The following GRHL1 variants were observed in gnomAD, a reference collection of about 807,000 sequenced individuals.
GRHL1 encodes the protein grainyhead like transcription factor 1.
A neutral mutation model predicts 75.7 loss-of-function variants in GRHL1; 38 were observed. The observed-to-expected ratio is 0.50, with a 90% CI of 0.39 to 0.66. GRHL1 has a LOEUF of 0.66. Ranked by LOEUF, GRHL1 falls within the 30% of genes least tolerant of loss-of-function variation. The pLI, the probability that GRHL1 is intolerant of heterozygous loss-of-function variation, is 0.00. For synonymous variants in GRHL1, 266 were observed against 279.4 expected, an observed-to-expected ratio of 0.95 and a Z score of 0.48; for missense variants, 589 against 767.5, an observed-to-expected ratio of 0.77 and a Z score of 2.75.
At chr2:9,980,164 G>GT (rs35509780) in intron 8 of GRHL1, among the ~76,000 whole-genome samples, 41,602 of 146,970 alleles carry the variant, frequency 0.28, 5,931 homozygotes, top group Admixed American at 0.37. Context: ...TTGGTGGTTT[G>GT]TTTTTTTTTT....
Position 9,963,960 on chromosome 2 carries a change from T to C in GRHL1, c.821T>C (p.Leu274Pro). The change falls in exon 6 of 16, where the codon CTG becomes CCG. Residue 274 changes from leucine to proline, a missense_variant. By Grantham distance (98) the Leu-to-Pro change is moderately conservative. Transcript: ENST00000324907. ...CCAGGAGACAGTACCATGACGTACC[T>C]GAACAAAGGCCAGTTCTATCCCATC... Reference protein sequence around the residue: ...QKPGDSTMTYLNKGQFYPITL... With the variant: ...QKPGDSTMTYPNKGQFYPITL... 1 of 1,613,368 alleles carries C rather than the reference T, an allele frequency of 6.2e-7. No homozygotes were observed.
Position 10,001,761 on chromosome 2 carries a change from T to C in GRHL1, c.*1054T>C, listed in dbSNP as rs193001687. The C allele has an allele frequency of 8.5e-5, 13 of 152,346 alleles. No homozygotes were observed. The highest frequency in any genetic ancestry group is 3.1e-4 in the African/African-American group (13 of 41,572). The allele number at this position is 152,346 out of a possible 1,614,324, so 9.4% of individuals were successfully genotyped here. On this transcript the variant is annotated 3_prime_UTR_variant, in exon 16 of 16. Transcript: ENST00000324907. ...TAGTATCAGTCAGATGCACTTAGAG[T>C]GAAGAAACACTGTAATTACAGCACA...
intron 8 of GRHL1, among the ~76,000 whole-genome samples, chr2:9,972,621 C>T (rs940867752): frequency 4.6e-5 from 7 of 152,200 alleles, no homozygotes; most frequent in African/African-American, 1.7e-4. Context: ...GGAAGGCAGC[C>T]TGCCCGCCAG....
At chr2:9,998,483 T>C (rs1191549445) in intron 14 of GRHL1, among the ~76,000 whole-genome samples, 30 of 4,624 alleles carry the variant, frequency 6.5e-3, no homozygotes, top group East Asian at 0.022. Context: ...TATATATACA[T>C]ATATATACGT....
At chr2:9,953,132 C>T in intron 1 of GRHL1, 1 of 455,626 alleles carries the variant, frequency 2.2e-6, no homozygotes, top group Non-Finnish European at 4.4e-6. Context: ...TGGCCTTAGG[C>T]AGGCTTTGGA....
At chr2:9,957,478 C>A (rs1332016597) in intron 2 of GRHL1, among the ~76,000 whole-genome samples, 1 of 151,718 alleles carries the variant, frequency 6.6e-6, no homozygotes, top group South Asian at 2.1e-4. Context: ...GGCGCAGTCT[C>A]AACTTACTGC....
intron 9 of GRHL1, among the ~76,000 whole-genome samples, chr2:9,986,487 G>A (rs931537069): frequency 2.0e-5 from 3 of 151,200 alleles, no homozygotes; most frequent in Non-Finnish European, 3.0e-5. Context: ...GTGCAATCTC[G>A]GCTCACTGCA....
intron 6 of GRHL1, 44 bp from the exon 7 acceptor site, chr2:9,964,191 T>G (rs748815010): frequency 7.3e-7 from 1 of 1,362,238 alleles, no homozygotes; most frequent in Non-Finnish European, 1.0e-6. Context: ...CAAAACATAC[T>G]CACCCTTTAG....
intron 9 of GRHL1, among the ~76,000 whole-genome samples, chr2:9,988,334 C>T (rs1367162224): frequency 6.6e-6 from 1 of 152,216 alleles, no homozygotes; most frequent in African/African-American, 2.4e-5. Context: ...CAAGTTTTCT[C>T]ACATTACTTC....
intron 2 of GRHL1, among the ~76,000 whole-genome samples, chr2:9,956,827 C>G (rs909293982): frequency 6.6e-6 from 1 of 152,102 alleles, no homozygotes; most frequent in Non-Finnish European, 1.5e-5. Context: ...GGGAGAAACT[C>G]GTTGGTACAA....
chr2:9,954,398 G>A (rs1421903932), intron 1 of GRHL1, among the ~76,000 whole-genome samples: 1 of 152,138 alleles, frequency 6.6e-6, no homozygotes, highest in African/African-American at 2.4e-5. Flanking sequence ...ATTGCGTGAA[G>A]GATCCCTTTT....
intron 8 of GRHL1, among the ~76,000 whole-genome samples, chr2:9,985,827 C>T (rs1013648908): frequency 6.6e-6 from 1 of 152,192 alleles, no homozygotes; most frequent in Non-Finnish European, 1.5e-5. Context: ...GGAAAGCTAA[C>T]CAGCCTCTTC....
chr2:9,995,815 A>G (rs2125246125), intron 12 of GRHL1, 64 bp from the exon 13 acceptor site: 1 of 889,196 alleles, frequency 1.1e-6, no homozygotes, highest in East Asian at 2.4e-5. Flanking sequence ...AGGCTCTAAA[A>G]CACCTTAATG....
Position 9,998,863 on chromosome 2 carries a change from C to CAT in GRHL1, c.1678-102_1678-101insAT, listed in dbSNP as rs1491430215. The CAT allele has an allele frequency of 9.1e-5, 11 of 120,740 alleles. 2 individuals carry two copies. Among genetic ancestry groups the CAT allele is most frequent in the East Asian group, 7.2e-4 (4 of 5,582 alleles). 7.5% of individuals were successfully genotyped at this position (120,740 alleles called of 1,614,324 possible). A position where few individuals can be genotyped will look rare whatever the true frequency, so the allele number is the denominator to read the frequency against. On this transcript the variant is annotated intron_variant, in intron 14 of 15. Coordinates refer to ENST00000324907, the MANE Select transcript of GRHL1 (RefSeq NM_198182.3). Reference sequence around the variant, plus strand: ...GTATATATATGTACACATATATATACGTATATATATGTACACATATATATA... The same window carrying CAT: ...GTATATATATGTACACATATATATACATGTATATATATGTACACATATATATA...
At chr2:9,955,697 G>A (rs1205142045) in intron 2 of GRHL1, among the ~76,000 whole-genome samples, 1 of 152,214 alleles carries the variant, frequency 6.6e-6, no homozygotes, top group East Asian at 1.9e-4. Flanking sequence ...AACACTAGCT[G>A]CCACTATTAT....
In GRHL1 at chr2:9,993,217, T is replaced by G; in HGVS notation, c.1472T>G (p.Ile491Ser). 1 of 1,610,682 alleles carries G rather than the reference T, an allele frequency of 6.2e-7. No homozygotes were observed. The highest frequency in any genetic ancestry group is 8.5e-7 in the Non-Finnish European group (1 of 1,176,826). ...NLQRGTHVLP[I>S]ASEELEGEGS... is the part of the protein sequence containing the mutation. Reference sequence around the variant, plus strand: ...TTCCTTTGGTCTTAGGTCCTTCCCATTGCCTCTGAAGAATTGGAGGGTGAA... The same window carrying G: ...TTCCTTTGGTCTTAGGTCCTTCCCAGTGCCTCTGAAGAATTGGAGGGTGAA... The change falls in exon 12 of 16, where the codon ATT becomes AGT. Residue 491 changes from isoleucine to serine, a missense_variant. Transcript: ENST00000324907.
Position 9,996,060 on chromosome 2 carries a change from C to T in GRHL1, c.1591+90C>T, listed in dbSNP as rs576310890. 3 of 892,314 alleles carry T rather than the reference C, an allele frequency of 3.4e-6. No individual in the cohort carries two copies. The African/African-American group carries it at 4.9e-5, about 15-fold the overall frequency. The allele number at this position is 892,314 out of a possible 1,614,324, so 55.3% of individuals were successfully genotyped here. On this transcript the variant is annotated intron_variant, in intron 13 of 15. Coordinates refer to ENST00000324907, the MANE Select transcript of GRHL1 (RefSeq NM_198182.3). ...GCATAAATGGTTCAAGCACATTTTT[C>T]CCAGTTTCACTTGCTTGGGAATTCT...
intron 12 of GRHL1, among the ~76,000 whole-genome samples, chr2:9,994,803 G>C (rs865803033): frequency 2.0e-5 from 3 of 152,138 alleles, no homozygotes; most frequent in Non-Finnish European, 2.9e-5. Flanking sequence ...CTCCATGCCA[G>C]GTGCCCCTGG....
Position 9,965,817 on chromosome 2 carries a change from A to ATC in GRHL1, c.1110+437_1110+438dup, listed in dbSNP as rs145666712. On this transcript the variant is annotated intron_variant, in intron 8 of 15. Coordinates refer to ENST00000324907, the MANE Select transcript of GRHL1 (RefSeq NM_198182.3). ...TATTAGTAGTACTCTGTTTCATATC[A>ATC]TCACCTTGTAAATATGACTCTGTGT... 4.5e-4 allele frequency: 70 copies of ATC among 156,854 alleles called. No individual in the cohort carries two copies. In the East Asian group the frequency reaches 0.013, roughly 29 times the overall value. 9.7% of individuals were successfully genotyped at this position (156,854 alleles called of 1,614,324 possible).
Sources: gnomAD v4.1 joint callset for allele counts (sites outside exome capture counted in the v4.1 genomes callset) on GRCh38, gnomAD v4.1.1 for gene constraint, MANE v1.5 for transcripts, NCBI Gene and HGNC (gene_info 2026-07-23, HGNC 2026-07-21) for gene names.